HCK: variants seen among roughly 807,000 people sequenced by gnomAD.
The protein encoded by HCK is tyrosine-protein kinase HCK.
Under a neutral mutation model 70.4 loss-of-function variants are expected in HCK, and 40 were observed. The ratio of observed to expected loss-of-function variants is 0.57; its 90% CI spans 0.44 to 0.74. The LOEUF (loss-of-function observed/expected upper bound fraction) is 0.74. Among genes scored for constraint, HCK ranks in the 30% least tolerant of loss-of-function variants. The pLI is 0.00. For synonymous variants in HCK, 245 were observed against 263.2 expected, an observed-to-expected ratio of 0.93 and a Z score of 0.67; for missense variants, 568 against 697.2, an observed-to-expected ratio of 0.81 and a Z score of 2.09.
intron 11 of HCK, among the ~76,000 whole-genome samples, chr20:32,096,971 C>T (rs929758580): frequency 3.3e-5 from 5 of 151,914 alleles, no homozygotes; most frequent in Admixed American, 2.6e-4. Flanking sequence ...ATTTCATGTA[C>T]GTTATAACTC....
intron 12 of HCK, among the ~76,000 whole-genome samples, chr20:32,100,156 C>G (rs181987462): frequency 3.3e-5 from 5 of 152,292 alleles, no homozygotes; most frequent in Admixed American, 1.3e-4. Context: ...GATCCTCCAG[C>G]CTTGGCCTCC....
chr20:32,086,653 G>A lies in HCK; in HGVS notation c.861G>A (p.Val287=), dbSNP rs1302041929. 1 of 1,612,736 alleles carries A rather than the reference G, an allele frequency of 6.2e-7. No homozygotes were observed. The change falls in exon 9 of 13, where the codon GTG becomes GTA. Residue 287 remains valine (V), a synonymous_variant. Coordinates refer to ENST00000375852, the MANE Select transcript of HCK (RefSeq NM_002110.5). ...CCACCTACAACAAGCACACCAAGGT[G>A]GCAGTGAAGACGATGAAGCCAGGGA...
chr20:32,070,189 A>T (rs1225875725), intron 1 of HCK, among the ~76,000 whole-genome samples: 1 of 151,970 alleles, frequency 6.6e-6, no homozygotes, highest in Non-Finnish European at 1.5e-5. Context: ...CCATCATCTC[A>T]TACCTGAACA....
chr20:32,055,511 A>G (rs1384986393), intron 1 of HCK, among the ~76,000 whole-genome samples: 1 of 152,218 alleles, frequency 6.6e-6, no homozygotes, highest in Admixed American at 6.5e-5. Flanking sequence ...TTTGCTTAGT[A>G]TTACATTGTA....
At chr20:32,066,303 C>CTTTTTTTT in intron 1 of HCK, among the ~76,000 whole-genome samples, 1 of 46,226 alleles carries the variant, frequency 2.2e-5, no homozygotes, top group Non-Finnish European at 4.5e-5. Context: ...CCTCCAGTGA[C>CTTTTTTTT]TTTTTTTTTT....
At chr20:32,080,904 A>T (rs2045700970) in intron 6 of HCK, among the ~76,000 whole-genome samples, 1 of 152,104 alleles carries the variant, frequency 6.6e-6, no homozygotes, top group Admixed American at 6.5e-5. Flanking sequence ...CCTGGGCAAC[A>T]TAGTGAGACC....
intron 5 of HCK, among the ~76,000 whole-genome samples, chr20:32,075,015 C>A (rs2045601878): frequency 6.6e-6 from 1 of 152,200 alleles, no homozygotes; most frequent in Non-Finnish European, 1.5e-5. Flanking sequence ...GCATTCTCTG[C>A]CTGCCCTGCA....
chr20:32,086,107 T>A (rs1046593083), intron 8 of HCK, among the ~76,000 whole-genome samples: 1 of 152,100 alleles, frequency 6.6e-6, no homozygotes, highest in African/African-American at 2.4e-5. Context: ...GCAAGCTCCG[T>A]CTCCTGGGTT....
intron 6 of HCK, among the ~76,000 whole-genome samples, chr20:32,082,493 T>C (rs2122569755): frequency 6.6e-6 from 1 of 151,970 alleles, no homozygotes; most frequent in Admixed American, 6.6e-5. Context: ...AATACAAAAA[T>C]TAGCCGGGCG....
chr20:32,081,188 C>T (rs1318156288), intron 6 of HCK, among the ~76,000 whole-genome samples: 1 of 152,212 alleles, frequency 6.6e-6, no homozygotes, highest in African/African-American at 2.4e-5. Flanking sequence ...ATGAGGTCGC[C>T]AGAAGAGACT....
At chr20:32,059,944 T>TA (rs200860869) in intron 1 of HCK, among the ~76,000 whole-genome samples, 1,776 of 152,058 alleles carry the variant, frequency 0.012, 34 homozygotes, top group African/African-American at 0.04. Flanking sequence ...TTGTCAATTA[T>TA]AAAAAAAATG....
chr20:32,068,984 T>C (rs939809080), intron 1 of HCK, among the ~76,000 whole-genome samples: 1 of 152,116 alleles, frequency 6.6e-6, no homozygotes, highest in Non-Finnish European at 1.5e-5. Context: ...ATGGAACTCA[T>C]GGGAATTCCC....
At chr20:32,092,468 C>T (rs1378583834) in intron 10 of HCK, among the ~76,000 whole-genome samples, 1 of 152,160 alleles carries the variant, frequency 6.6e-6, no homozygotes, top group Non-Finnish European at 1.5e-5. Flanking sequence ...AAGATATAAT[C>T]CCTGTGTTTT....
At chr20:32,083,003 C>G (rs375249670) in intron 6 of HCK, among the ~76,000 whole-genome samples, 22 of 152,142 alleles carry the variant, frequency 1.4e-4, no homozygotes, top group African/African-American at 5.3e-4. Context: ...GTAGTCTGAC[C>G]TCACTGGGCT....
chr20:32,093,554 T>C (rs1036523782), intron 10 of HCK, among the ~76,000 whole-genome samples: 6 of 152,040 alleles, frequency 3.9e-5, no homozygotes, highest in South Asian at 2.1e-4. Context: ...TGTGTGTTCC[T>C]GGAAGAATAG....
intron 1 of HCK, among the ~76,000 whole-genome samples, chr20:32,056,070 C>T (rs1422401377): frequency 6.6e-6 from 1 of 152,138 alleles, no homozygotes; most frequent in East Asian, 1.9e-4. Context: ...CCCATTTATC[C>T]ACAGATGGAA....
At chr20:32,080,188 TG>T (rs2045689032) in intron 6 of HCK, among the ~76,000 whole-genome samples, 1 of 152,302 alleles carries the variant, frequency 6.6e-6, no homozygotes, top group East Asian at 1.9e-4. Flanking sequence ...TCATTTGTTT[TG>T]GTTCTTGTTT....
At chr20:32,062,719 T>A (rs1288160866) in intron 1 of HCK, among the ~76,000 whole-genome samples, 7 of 152,056 alleles carry the variant, frequency 4.6e-5, no homozygotes, top group Non-Finnish European at 8.8e-5. Context: ...AGGGAAGACG[T>A]GAGAAGTCAG....
Position 32,101,522 on chromosome 20 carries a change from G to T in HCK, c.*3G>T, listed in dbSNP as rs772638936. ...GCCAGTACCAACAGCAGCCATGATA[G>T]GGAGGACCAGGGCAGGGCCAGGGGG... On this transcript the variant is annotated 3_prime_UTR_variant, in exon 13 of 13. Coordinates refer to ENST00000375852, the MANE Select transcript of HCK (RefSeq NM_002110.5). 1.2e-6 allele frequency: 2 copies of T among 1,610,784 alleles called. No individual in the cohort carries two copies. Among genetic ancestry groups the T allele is most frequent in the Non-Finnish European group, 8.5e-7 (1 of 1,178,448 alleles).
Sources: allele counts gnomAD v4.1 joint callset (sites outside exome capture counted in the v4.1 genomes callset), GRCh38; gene constraint gnomAD v4.1.1; transcripts MANE v1.5; gene names NCBI Gene and HGNC (gene_info 2026-07-23, HGNC 2026-07-21).